SH3RF1: variants seen among roughly 807,000 people sequenced by gnomAD.
The protein encoded by SH3RF1 is E3 ubiquitin-protein ligase SH3RF1.
In SH3RF1, 32 loss-of-function variants were observed where a neutral mutation model predicts 74.0. The ratio of observed to expected loss-of-function variants is 0.43; its 90% CI spans 0.33 to 0.58. The LOEUF (loss-of-function observed/expected upper bound fraction) is 0.58, where lower values mean the gene tolerates loss of function less well. SH3RF1 is among the 20% of genes least tolerant of loss of function. The probability of loss-of-function intolerance (pLI) is 0.05; values close to 1 mark genes in which losing one functional copy is unlikely to be tolerated. For missense variants in SH3RF1, 954 were observed against 1,130.9 expected, an observed-to-expected ratio of 0.84 and a Z score of 2.24; for synonymous variants, 396 against 439.6, an observed-to-expected ratio of 0.90 and a Z score of 1.24.
intron 11 of SH3RF1, among the ~76,000 whole-genome samples, chr4:169,096,925 G>A (rs1265126522): frequency 2.6e-5 from 4 of 152,202 alleles, no homozygotes; most frequent in African/African-American, 9.7e-5. Flanking sequence ...TCATCTGAGT[G>A]ACCTTAACAA....
intron 6 of SH3RF1, among the ~76,000 whole-genome samples, 160 bp downstream of exon 6, chr4:169,129,886 A>G (rs183376012): frequency 6.6e-6 from 1 of 152,336 alleles, no homozygotes; most frequent in Non-Finnish European, 1.5e-5. Context: ...GGGACTTTCT[A>G]ATGTTTTGTT....
chr4:169,191,896 T>C (rs531292450), intron 2 of SH3RF1, among the ~76,000 whole-genome samples: 181 of 152,262 alleles, frequency 1.2e-3, no homozygotes, highest in African/African-American at 4.1e-3. Flanking sequence ...CAACTCAAGA[T>C]GGATTAAGGA....
intron 2 of SH3RF1, among the ~76,000 whole-genome samples, chr4:169,243,154 T>C (rs1463386197): frequency 6.6e-6 from 1 of 152,206 alleles, no homozygotes; most frequent in Admixed American, 6.5e-5. Flanking sequence ...ACCTTTGAAA[T>C]GTTATTCTCA....
At chr4:169,160,962 G>T (rs898729510) in intron 2 of SH3RF1, among the ~76,000 whole-genome samples, 1 of 152,194 alleles carries the variant, frequency 6.6e-6, no homozygotes, top group Non-Finnish European at 1.5e-5. Context: ...CATCTCCTTC[G>T]AAAGGTCTGA....
intron 2 of SH3RF1, among the ~76,000 whole-genome samples, chr4:169,241,730 G>C (rs1304872590): frequency 6.6e-6 from 1 of 152,228 alleles, no homozygotes; most frequent in Non-Finnish European, 1.5e-5. Context: ...CTGAAACACT[G>C]TGTGGGCAGA....
chr4:169,207,535 T>C (rs1730281048), intron 2 of SH3RF1, among the ~76,000 whole-genome samples: 1 of 152,198 alleles, frequency 6.6e-6, no homozygotes, highest in South Asian at 2.1e-4. Flanking sequence ...CAAAACCTTT[T>C]AGGATTACAC....
At chr4:169,111,073 C>T (rs368065147) in intron 10 of SH3RF1, among the ~76,000 whole-genome samples, 43 of 151,606 alleles carry the variant, frequency 2.8e-4, no homozygotes, top group East Asian at 2.6e-3. Context: ...TTTGGGAGGC[C>T]GAGGCAGGGG....
At chr4:169,232,874 A>T (rs1730765527) in intron 2 of SH3RF1, among the ~76,000 whole-genome samples, 2 of 152,196 alleles carry the variant, frequency 1.3e-5, no homozygotes, top group South Asian at 4.1e-4. Context: ...AACTCTGAAC[A>T]TATAATCTAC....
chr4:169,236,787 ATAT>A (rs909847669), intron 2 of SH3RF1, among the ~76,000 whole-genome samples: 2 of 152,212 alleles, frequency 1.3e-5, no homozygotes, highest in African/African-American at 4.8e-5. Flanking sequence ...CATTGCTTCT[ATAT>A]TATTATTCCC....
chr4:169,113,618 A>G (rs1046591518), intron 10 of SH3RF1, among the ~76,000 whole-genome samples: 2 of 152,202 alleles, frequency 1.3e-5, no homozygotes, highest in African/African-American at 4.8e-5. Flanking sequence ...GTGAATCTCA[A>G]TGTGGCATCT....
intron 2 of SH3RF1, among the ~76,000 whole-genome samples, chr4:169,199,355 G>C (rs533378011): frequency 6.6e-6 from 1 of 152,158 alleles, no homozygotes; most frequent in South Asian, 2.1e-4. Flanking sequence ...ATGTTTGGTT[G>C]GCAGGTGGTT....
At position 169,094,836 on chromosome 4, in the gene SH3RF1, C is replaced by CTT. The variant is rs1732887117; in HGVS notation, c.*1681_*1682dup. On this transcript the variant is annotated 3_prime_UTR_variant, in exon 12 of 12. Coordinates refer to ENST00000284637, the MANE Select transcript of SH3RF1 (RefSeq NM_020870.4). ...TTTCATCTTCAACCACATAAAGTAT[C>CTT]TTTTTAAGACCATGAAACCTCTTGT... 1 of 149,808 alleles carries CTT rather than the reference C, an allele frequency of 6.7e-6. No homozygotes were observed. Among genetic ancestry groups the CTT allele is most frequent in the South Asian group, 2.1e-4 (1 of 4,756 alleles). 9.3% of individuals were successfully genotyped at this position (149,808 alleles called of 1,614,324 possible).
intron 2 of SH3RF1, among the ~76,000 whole-genome samples, chr4:169,241,254 CAAAT>C (rs1365601851): frequency 6.6e-6 from 1 of 152,090 alleles, no homozygotes; most frequent in African/African-American, 2.4e-5. Flanking sequence ...AATAAACAAA[CAAAT>C]AAAATAAAAC....
intron 6 of SH3RF1, among the ~76,000 whole-genome samples, chr4:169,126,956 G>T (rs1315018607): frequency 6.6e-6 from 1 of 152,122 alleles, no homozygotes; most frequent in Non-Finnish European, 1.5e-5. Context: ...TACCTTTATT[G>T]ACCTGACTAC....
intron 2 of SH3RF1, among the ~76,000 whole-genome samples, chr4:169,253,543 C>T (rs1050559817): frequency 9.2e-5 from 14 of 152,114 alleles, no homozygotes; most frequent in African/African-American, 2.9e-4. Context: ...TCCCTCTTTC[C>T]GCTCCATTCT....
In SH3RF1 at chr4:169,211,850, G is replaced by A. The variant is rs916629380; in HGVS notation, c.394-55171C>T. Among the ~76,000 whole-genome samples, 30 of 152,162 alleles carry A rather than the reference G, an allele frequency of 2.0e-4. No homozygotes were observed. In the Middle Eastern group the frequency reaches 0.01, roughly 52 times the overall value. ...ATCCCAAGTCACCATCTGGATAACT[G>A]CACTCCTGACACCATCTCTTGGAGA... On this transcript the variant is annotated intron_variant, in intron 2 of 11. Coordinates refer to ENST00000284637, the MANE Select transcript of SH3RF1 (RefSeq NM_020870.4).
At chr4:169,199,324 C>T (rs543184171) in intron 2 of SH3RF1, among the ~76,000 whole-genome samples, 4 of 152,330 alleles carry the variant, frequency 2.6e-5, no homozygotes, top group Admixed American at 6.5e-5. Flanking sequence ...TGGCTTAACA[C>T]ATCATTCTCA....
chr4:169,236,287 C>T (rs1485729243), intron 2 of SH3RF1, among the ~76,000 whole-genome samples: 1 of 152,208 alleles, frequency 6.6e-6, no homozygotes, highest in Non-Finnish European at 1.5e-5. Context: ...AAGCTTTAAG[C>T]CAGAACTCGA....
At chr4:169,225,791 T>C (rs1005002004) in intron 2 of SH3RF1, among the ~76,000 whole-genome samples, 2 of 152,050 alleles carry the variant, frequency 1.3e-5, no homozygotes, top group Non-Finnish European at 2.9e-5. Flanking sequence ...AAAGTAAAAA[T>C]AGTTAACTTG....
Sources: gnomAD v4.1 joint callset for allele counts (sites outside exome capture counted in the v4.1 genomes callset) on GRCh38, gnomAD v4.1.1 for gene constraint, MANE v1.5 for transcripts, NCBI Gene and HGNC (gene_info 2026-07-23, HGNC 2026-07-21) for gene names.